WDR27: variants seen among roughly 807,000 people sequenced by gnomAD.
WDR27 encodes WD repeat-containing protein 27.
Under a neutral mutation model 114.4 loss-of-function variants are expected in WDR27, and 100 were observed. The observed-to-expected ratio is 0.87, with a 90% CI of 0.74 to 1.03. The LOEUF (loss-of-function observed/expected upper bound fraction) is 1.03, where lower values mean the gene tolerates loss of function less well. Ranked by LOEUF, WDR27 falls within the 50% of genes least tolerant of loss-of-function variation. WDR27 has a pLI of 0.00. For missense variants in WDR27, 1,129 were observed against 1,092.9 expected (o/e 1.03, Z -0.47); for synonymous variants, 449 against 423.1 (o/e 1.06, Z -0.75).
At chr6:169,486,106 A>G (rs1439655035) in intron 25 of WDR27, among the ~76,000 whole-genome samples, 2 of 152,102 alleles carry the variant, frequency 1.3e-5, no homozygotes, top group Non-Finnish European at 2.9e-5. Context: ...CCTTGATATG[A>G]TATACCTATA....
intron 25 of WDR27, among the ~76,000 whole-genome samples, chr6:169,544,275 G>GA (rs1278853238): frequency 6.6e-6 from 1 of 151,892 alleles, no homozygotes; most frequent in African/African-American, 2.4e-5. Context: ...TTTGGGGAAG[G>GA]AAATAAACTG....
chr6:169,542,704 G>A (rs976465487), intron 25 of WDR27, among the ~76,000 whole-genome samples: 6 of 152,020 alleles, frequency 3.9e-5, no homozygotes, highest in African/African-American at 1.4e-4. Flanking sequence ...AGGTCTTAGG[G>A]AATGCATACT....
At chr6:169,646,220 G>A (rs1370938487) in intron 16 of WDR27, among the ~76,000 whole-genome samples, 1 of 152,142 alleles carries the variant, frequency 6.6e-6, no homozygotes, top group South Asian at 2.1e-4. Flanking sequence ...TGTCATCCTC[G>A]CCATCCTCCC....
At chr6:169,494,563 C>G (rs920773128) in intron 25 of WDR27, among the ~76,000 whole-genome samples, 3 of 152,112 alleles carry the variant, frequency 2.0e-5, no homozygotes, top group Non-Finnish European at 4.4e-5. Context: ...ATAATCTTAA[C>G]AGGTCACCAT....
chr6:169,681,682 C>T (rs546468926), intron 2 of WDR27, among the ~76,000 whole-genome samples: 4 of 152,322 alleles, frequency 2.6e-5, no homozygotes, highest in East Asian at 1.9e-4. Flanking sequence ...CCTGTGGCTT[C>T]GCTCCAATTC....
chr6:169,558,418 G>C (rs557496850), intron 25 of WDR27: 2 of 152,272 alleles, frequency 1.3e-5, no homozygotes, highest in South Asian at 4.2e-4. Flanking sequence ...TGCACTGCTG[G>C]ATTGCTGAGT....
intron 1 of WDR27, among the ~76,000 whole-genome samples, chr6:169,700,440 GAACTA>G (rs1405283611): frequency 6.6e-6 from 1 of 152,208 alleles, no homozygotes; most frequent in Admixed American, 6.5e-5. Flanking sequence ...TCTAGACACA[GAACTA>G]AACTACACTC....
intron 6 of WDR27, chr6:169,666,368 T>C: frequency 1.0e-6 from 1 of 983,664 alleles, no homozygotes; most frequent in Non-Finnish European, 1.2e-6. Context: ...CTCTACCAGG[T>C]CACCAAAGTA....
At chr6:169,477,761 C>A (rs1244158648) in intron 25 of WDR27, among the ~76,000 whole-genome samples, 2 of 152,138 alleles carry the variant, frequency 1.3e-5, no homozygotes, top group Non-Finnish European at 2.9e-5. Context: ...TAAAGTAAAA[C>A]ATACAAATAA....
At chr6:169,450,176 G>A in the WDR27 span, among the ~76,000 whole-genome samples, 2 of 152,178 alleles carry the variant, frequency 1.3e-5, no homozygotes, top group African/African-American at 2.4e-5. Flanking sequence ...AGCGTCATGG[G>A]CACCGCTCTG....
intron 22 of WDR27, among the ~76,000 whole-genome samples, chr6:169,609,640 C>T (rs1441587661): frequency 6.6e-6 from 1 of 152,192 alleles, no homozygotes; most frequent in Non-Finnish European, 1.5e-5. Context: ...TCCTCCCAGA[C>T]CTCTGGGTCT....
At chr6:169,524,688 G>A (rs183547601) in intron 25 of WDR27, among the ~76,000 whole-genome samples, 1 of 152,272 alleles carries the variant, frequency 6.6e-6, no homozygotes, top group African/African-American at 2.4e-5. Context: ...AGAAAGGACA[G>A]TCTCTTCAAT....
At chr6:169,587,433 G>T (rs927940802) in intron 23 of WDR27, among the ~76,000 whole-genome samples, 14 of 151,948 alleles carry the variant, frequency 9.2e-5, no homozygotes, top group Admixed American at 9.2e-4. Flanking sequence ...TAGCCAGGCT[G>T]GTCTCGAACT....
At chr6:169,556,535 G>A (rs73792941) in intron 25 of WDR27, among the ~76,000 whole-genome samples, 2,468 of 152,310 alleles carry the variant, frequency 0.016, 64 homozygotes, top group African/African-American at 0.057. Flanking sequence ...AGGAAACACA[G>A]AAGAATATCT....
chr6:169,673,047 A>G (rs1374874012), intron 2 of WDR27, among the ~76,000 whole-genome samples: 1 of 152,200 alleles, frequency 6.6e-6, no homozygotes, highest in African/African-American at 2.4e-5. Context: ...AGGGAAATCC[A>G]ATAAAGACCT....
At chr6:169,555,065 A>C (rs1313314980) in intron 25 of WDR27, among the ~76,000 whole-genome samples, 1 of 152,230 alleles carries the variant, frequency 6.6e-6, no homozygotes, top group Non-Finnish European at 1.5e-5. Flanking sequence ...ACTGATGATT[A>C]GGCTGACTAA....
the WDR27 span, among the ~76,000 whole-genome samples, chr6:169,427,303 G>C: frequency 5.3e-5 from 8 of 152,188 alleles, no homozygotes; most frequent in African/African-American, 1.7e-4. Context: ...GCAGAGTCAA[G>C]TCCCTGGGAT....
chr6:169,672,110 G>A, intron 3 of WDR27, 145 bp downstream of exon 3: 1 of 793,624 alleles, frequency 1.3e-6, no homozygotes, highest in Non-Finnish European at 1.9e-6. Context: ...CTGGGTTCAA[G>A]GTAAAGAGAG....
rs1335044368 is a variant in WDR27 at position 169,522,794 on chromosome 6, T to C, written c.2645+49625A>G. Among the ~76,000 whole-genome samples the C allele has an allele frequency of 2.6e-5, 4 of 151,902 alleles. No individual in the cohort carries two copies. The East Asian group carries it at 5.8e-4, about 22-fold the overall frequency. On this transcript the variant is annotated intron_variant, in intron 25 of 25. Coordinates refer to ENST00000448612, the MANE Select transcript of WDR27 (RefSeq NM_182552.5). ...ATAAAATGTAATATACCAAAATCTA[T>C]GGATATAGCAAAAATAGTACTAAGA...
Sources: gnomAD v4.1 joint callset for allele counts (sites outside exome capture counted in the v4.1 genomes callset) on GRCh38, gnomAD v4.1.1 for gene constraint, MANE v1.5 for transcripts, NCBI Gene and HGNC (gene_info 2026-07-23, HGNC 2026-07-21) for gene names.